The following RGS22 variants were observed in gnomAD, a reference collection of about 807,000 sequenced individuals.
RGS22 encodes the protein regulator of G-protein signaling 22.
Under a neutral mutation model 172.9 loss-of-function variants are expected in RGS22, and 148 were observed. The observed-to-expected ratio is 0.86, with a 90% CI of 0.75 to 0.98. RGS22 has a LOEUF of 0.98. RGS22 is among the 50% of genes least tolerant of loss of function. RGS22 has a pLI of 0.00. For synonymous variants in RGS22, 458 were observed against 480.2 expected (o/e 0.95, Z 0.60); for missense variants, 1,347 against 1,440.8 (o/e 0.93, Z 1.05).
At chr8:100,049,601 C>A (rs1443391733) in intron 10 of RGS22, among the ~76,000 whole-genome samples, 2 of 152,120 alleles carry the variant, frequency 1.3e-5, no homozygotes, top group African/African-American at 4.8e-5. Context: ...AGCTTAATAA[C>A]GTTGTTTGTA....
intron 14 of RGS22, among the ~76,000 whole-genome samples, chr8:100,022,086 G>A (rs1373889984): frequency 6.6e-6 from 1 of 152,180 alleles, no homozygotes; most frequent in African/African-American, 2.4e-5. Context: ...GCTATGCCGA[G>A]AGCGACTAAA....
At position 100,063,651 on chromosome 8, in the gene RGS22, T is replaced by C. The variant is rs1475034508; in HGVS notation, c.1117A>G (p.Thr373Ala). 1.9e-5 allele frequency: 31 copies of C among 1,613,988 alleles called. No individual in the cohort carries two copies. The highest frequency in any genetic ancestry group is 2.5e-5 in the Non-Finnish European group (30 of 1,180,006). The change falls in exon 8 of 28, where the codon ACA (threonine) becomes GCA (alanine). Residue 373 changes from threonine (T) to alanine (A), a missense_variant. Transcript: ENST00000360863. ...TCTATCTCTTCTGACCTCTCCTTTG[T>C]AGTTTGAACTAATTCACTTAAAAAA... ...KNFLSELVQTTKERSEEIEQT... is the reference protein window; with the variant it reads ...KNFLSELVQTAKERSEEIEQT...
chr8:100,105,722 G>T, intron 1 of RGS22, 175 bp downstream of exon 1: 1 of 574,984 alleles, frequency 1.7e-6, no homozygotes. Context: ...AGCATAAACC[G>T]GCGAGGACGT....
chr8:100,029,981 C>G (rs1818617648), intron 14 of RGS22, among the ~76,000 whole-genome samples: 1 of 151,924 alleles, frequency 6.6e-6, no homozygotes, highest in African/African-American at 2.4e-5. Flanking sequence ...AACTGAAAAA[C>G]AGTACAAAGA....
chr8:99,994,122 A>G (rs190438198), intron 20 of RGS22, among the ~76,000 whole-genome samples: 2 of 152,320 alleles, frequency 1.3e-5, no homozygotes, highest in East Asian at 3.9e-4. Context: ...TCTCAAAATA[A>G]TAAGAGCTGT....
intron 14 of RGS22, among the ~76,000 whole-genome samples, chr8:100,011,879 A>G (rs3101325): frequency 0.66 from 100,946 of 151,988 alleles, 34,433 homozygotes; most frequent in African/African-American, 0.82. Flanking sequence ...GGATGGACTC[A>G]AAAACAATGG....
At chr8:99,998,649 T>C (rs967697808) in intron 19 of RGS22, among the ~76,000 whole-genome samples, 2 of 151,802 alleles carry the variant, frequency 1.3e-5, no homozygotes, top group African/African-American at 4.8e-5. Context: ...TAAAAAAAAA[T>C]TATTATTATT....
intron 20 of RGS22, among the ~76,000 whole-genome samples, chr8:99,994,175 A>C (rs1485558428): frequency 2.0e-5 from 3 of 152,150 alleles, no homozygotes; most frequent in Non-Finnish European, 1.5e-5. Flanking sequence ...ATGGGCAAAA[A>C]CTGGAAGCAT....
At chr8:100,025,601 T>A (rs988314640) in intron 14 of RGS22, among the ~76,000 whole-genome samples, 2 of 152,178 alleles carry the variant, frequency 1.3e-5, no homozygotes, top group African/African-American at 2.4e-5. Context: ...GACACTTTAA[T>A]GAAAATGTCA....
chr8:100,050,880 C>G (rs1563667956), intron 10 of RGS22: 1 of 152,126 alleles, frequency 6.6e-6, no homozygotes, highest in Non-Finnish European at 1.5e-5. Flanking sequence ...AGGCACTGTT[C>G]TAGGCACTGG....
chr8:100,084,089 G>A (rs901056100), intron 3 of RGS22, among the ~76,000 whole-genome samples: 3 of 151,960 alleles, frequency 2.0e-5, no homozygotes, highest in Non-Finnish European at 4.4e-5. Flanking sequence ...CGTCCACCTT[G>A]GCCTCCCAAA....
chr8:100,077,535 G>T (rs1811443775), intron 4 of RGS22, among the ~76,000 whole-genome samples: 1 of 152,134 alleles, frequency 6.6e-6, no homozygotes, highest in Non-Finnish European at 1.5e-5. Flanking sequence ...AGTATTTAAG[G>T]ATTTTGTTAC....
rs144093555 is a variant in RGS22 at position 100,053,152 on chromosome 8, T to C, written c.1515-176A>G. 5.7e-3 allele frequency among the ~76,000 whole-genome samples: 867 copies of C among 152,308 alleles called. 27 individuals are homozygous for C. Among genetic ancestry groups the C allele is most frequent in the Admixed American group, 0.05 (772 of 15,300 alleles). On this transcript the variant is annotated intron_variant, in intron 9 of 27. Coordinates refer to ENST00000360863, the MANE Select transcript of RGS22 (RefSeq NM_015668.5). ...CTTGAAAAAATATTTTTCTGTGATATGTCAGCTGCCTGCAATCCCATTGAC... is the reference window on the plus strand; with the variant it reads ...CTTGAAAAAATATTTTTCTGTGATACGTCAGCTGCCTGCAATCCCATTGAC...
At chr8:100,086,318 A>G (rs552961202) in intron 3 of RGS22, among the ~76,000 whole-genome samples, 1 of 152,280 alleles carries the variant, frequency 6.6e-6, no homozygotes, top group African/African-American at 2.4e-5. Context: ...TTCGTTGAGG[A>G]CCTACTATCA....
chr8:99,961,141 C>A lies in RGS22; in HGVS notation c.*101G>T. The A allele has an allele frequency of 2.2e-6, 1 of 449,010 alleles. No homozygotes were observed. Among genetic ancestry groups the A allele is most frequent in the Non-Finnish European group, 4.5e-6 (1 of 224,510 alleles). 27.8% of individuals were successfully genotyped at this position (449,010 alleles called of 1,614,324 possible). ...TTAGGCTTGCTCTGATACAGACCTT[C>A]AAAAAAACAAATCACTGGAGCTTCT... On this transcript the variant is annotated 3_prime_UTR_variant, in exon 28 of 28. Transcript: ENST00000360863.
chr8:100,081,738 T>C (rs1286705810), intron 3 of RGS22, among the ~76,000 whole-genome samples: 4 of 152,098 alleles, frequency 2.6e-5, no homozygotes, highest in Non-Finnish European at 5.9e-5. Context: ...ATATCGCAGA[T>C]TAGATTTATC....
intron 21 of RGS22, among the ~76,000 whole-genome samples, chr8:99,987,049 G>T (rs970867819): frequency 1.3e-5 from 2 of 152,106 alleles, no homozygotes; most frequent in African/African-American, 4.8e-5. Context: ...AAGTGTTTTA[G>T]ATTTTGGATT....
At chr8:100,029,631 A>G (rs1247444119) in intron 14 of RGS22, among the ~76,000 whole-genome samples, 1 of 143,318 alleles carries the variant, frequency 7.0e-6, no homozygotes, top group Non-Finnish European at 1.5e-5. Flanking sequence ...TGAACTGGGG[A>G]GGCAGAGATT....
intron 26 of RGS22, 34 bp from the exon 27 acceptor site, chr8:99,962,477 A>T (rs191214715): frequency 1.2e-6 from 2 of 1,606,462 alleles, no homozygotes; most frequent in East Asian, 2.2e-5. Context: ...GTATATATTT[A>T]GTCTTTCCTC....
Sources: allele counts gnomAD v4.1 joint callset (sites outside exome capture counted in the v4.1 genomes callset), GRCh38; gene constraint gnomAD v4.1.1; transcripts MANE v1.5; gene names NCBI Gene and HGNC (gene_info 2026-07-23, HGNC 2026-07-21).